RUNX1: variants seen among roughly 807,000 people sequenced by gnomAD.
RUNX1 encodes RUNX family transcription factor 1.
Under a neutral mutation model 42.8 loss-of-function variants are expected in RUNX1, and 19 were observed. The observed-to-expected ratio is 0.44, with a 90% CI of 0.31 to 0.65. The LOEUF is 0.65. Among genes scored for constraint, RUNX1 ranks in the 30% least tolerant of loss-of-function variants. RUNX1 has a pLI of 0.07. For missense variants in RUNX1, 528 were observed against 672.0 expected (o/e 0.79, Z 2.37); for synonymous variants, 271 against 289.4 (o/e 0.94, Z 0.64).
Position 34,992,664 on chromosome 21 carries a change from A to G in RUNX1, c.58+56178T>C, listed in dbSNP as rs554749684. On this transcript the variant is annotated intron_variant, in intron 2 of 8. Transcript: ENST00000675419. ...TGACGTTTCTTTCACAAGATTAAAC[A>G]TTACAAATATAAAAAAAAAAAAAAG... Among the ~76,000 whole-genome samples, 382 of 142,274 alleles carry G rather than the reference A, an allele frequency of 2.7e-3. 4 individuals are homozygous for G. Among genetic ancestry groups the G allele is most frequent in the African/African-American group, 1.0e-2 (368 of 36,826 alleles). 93.3% of individuals were successfully genotyped at this position (142,274 alleles called of 152,430 possible). A position where few individuals can be genotyped will look rare whatever the true frequency, so the allele number is the denominator to read the frequency against.
intron 2 of RUNX1, among the ~76,000 whole-genome samples, chr21:34,986,466 T>A (rs28391463): frequency 1.3e-5 from 2 of 150,350 alleles, no homozygotes; most frequent in Non-Finnish European, 3.0e-5. Context: ...TGGTTCCCTA[T>A]GTGTCTCCCA....
At chr21:34,877,134 C>T (rs2300398) in intron 5 of RUNX1, among the ~76,000 whole-genome samples, 27,074 of 152,116 alleles carry the variant, frequency 0.18, 2,585 homozygotes, top group Non-Finnish European at 0.2. Context: ...GCTGGGATTA[C>T]AGGTGTGAGC....
At chr21:34,891,338 G>A (rs925243324) in intron 3 of RUNX1, among the ~76,000 whole-genome samples, 1 of 152,190 alleles carries the variant, frequency 6.6e-6, no homozygotes, top group African/African-American at 2.4e-5. Flanking sequence ...CGATGGGATC[G>A]CGGGACATTT....
chr21:34,875,282 G>A (rs187895140), intron 5 of RUNX1, among the ~76,000 whole-genome samples: 2 of 152,326 alleles, frequency 1.3e-5, no homozygotes, highest in Non-Finnish European at 2.9e-5. Flanking sequence ...TGGCAAATGT[G>A]AAACCGAAAT....
At chr21:34,809,492 T>G (rs2056728724) in intron 7 of RUNX1, among the ~76,000 whole-genome samples, 1 of 151,970 alleles carries the variant, frequency 6.6e-6, no homozygotes, top group Non-Finnish European at 1.5e-5. Flanking sequence ...CTCCCAGGAC[T>G]GCACACAGCT....
chr21:34,949,236 C>G (rs2146661553), intron 2 of RUNX1, among the ~76,000 whole-genome samples: 1 of 152,364 alleles, frequency 6.6e-6, no homozygotes, highest in East Asian at 1.9e-4. Context: ...GTCCTTTTCA[C>G]TAAACAACCA....
intron 2 of RUNX1, among the ~76,000 whole-genome samples, chr21:35,008,932 GA>G (rs1297820011): frequency 6.6e-6 from 1 of 152,168 alleles, no homozygotes; most frequent in Non-Finnish European, 1.5e-5. Context: ...GAAAAGAAAA[GA>G]AAAACAGCAA....
intron 2 of RUNX1, among the ~76,000 whole-genome samples, chr21:34,953,634 A>G (rs773828608): frequency 1.3e-5 from 2 of 152,208 alleles, no homozygotes; most frequent in African/African-American, 2.4e-5. Context: ...ATAAACTTTT[A>G]TTTTGTTTAA....
chr21:34,984,862 T>C (rs1045261837), intron 2 of RUNX1, among the ~76,000 whole-genome samples: 2 of 152,190 alleles, frequency 1.3e-5, no homozygotes, highest in Non-Finnish European at 2.9e-5. Flanking sequence ...AGTGATCAGG[T>C]ACTTTCCATA....
intron 2 of RUNX1, among the ~76,000 whole-genome samples, chr21:34,998,788 G>A (rs921039505): frequency 3.0e-4 from 45 of 152,214 alleles, no homozygotes; most frequent in Admixed American, 1.7e-3. Flanking sequence ...TGATCCGCCC[G>A]CCTTGCCCTC....
At chr21:34,902,724 T>C (rs561087844) in intron 2 of RUNX1, among the ~76,000 whole-genome samples, 1 of 152,330 alleles carries the variant, frequency 6.6e-6, no homozygotes, top group East Asian at 1.9e-4. Context: ...AGTTTGTTAC[T>C]AGCCATGTGA....
intron 2 of RUNX1, among the ~76,000 whole-genome samples, chr21:34,921,269 C>T (rs1412957113): frequency 1.3e-5 from 2 of 152,172 alleles, no homozygotes; most frequent in Admixed American, 6.6e-5. Flanking sequence ...ACTCTTTACA[C>T]ATTGAACCAG....
rs189196863 is a variant in RUNX1, at chr21:34,826,889, G to A, written c.805+7521C>T. Among the ~76,000 whole-genome samples the A allele has an allele frequency of 1.8e-4, 27 of 152,326 alleles. 1 individual carries two copies. The South Asian group carries it at 4.3e-3, about 25-fold the overall frequency. ...TAAGTGGCTTTGGAACTGTATAACC[G>A]TGAAGGCTGAACAAGTTTGGAGGAG... is the stretch of plus-strand genomic sequence containing the variant. On this transcript the variant is annotated intron_variant, in intron 7 of 8. Transcript: ENST00000675419.
chr21:34,965,975 C>A (rs1420514909), intron 2 of RUNX1, among the ~76,000 whole-genome samples: 1 of 152,198 alleles, frequency 6.6e-6, no homozygotes, highest in Non-Finnish European at 1.5e-5. Flanking sequence ...TATGTGCCAG[C>A]CACATCCCAG....
At position 34,849,946 on chromosome 21, in the gene RUNX1, G is replaced by A. The variant is rs148586870; in HGVS notation, c.613+9528C>T. 2.8e-3 allele frequency among the ~76,000 whole-genome samples: 421 copies of A among 151,266 alleles called. 3 individuals are homozygous for A. The highest frequency in any genetic ancestry group is 4.1e-3 in the African/African-American group (167 of 41,182). The stretch of plus-strand genomic sequence containing the variant: ...TTATTATTATTACTATTATTATTTT[G>A]GTGGTAGTAGTGGAGTTCCATGAGA... On this transcript the variant is annotated intron_variant, in intron 6 of 8. Transcript: ENST00000675419.
At chr21:34,831,793 C>G (rs371082289) in intron 7 of RUNX1, among the ~76,000 whole-genome samples, 1 of 152,108 alleles carries the variant, frequency 6.6e-6, no homozygotes, top group East Asian at 1.9e-4. Context: ...AACTGAAGGT[C>G]TTGGCTGAAC....
intron 6 of RUNX1, among the ~76,000 whole-genome samples, chr21:34,848,581 C>T (rs1232350586): frequency 6.6e-6 from 1 of 152,144 alleles, no homozygotes; most frequent in Admixed American, 6.5e-5. Context: ...ATTATAGGCG[C>T]CTGCCACCAT....
intron 2 of RUNX1, among the ~76,000 whole-genome samples, chr21:34,933,396 T>A (rs920761647): frequency 6.6e-6 from 1 of 152,234 alleles, no homozygotes; most frequent in Non-Finnish European, 1.5e-5. Flanking sequence ...TGTTTACACT[T>A]ATTTTCCATT....
At chr21:34,991,805 C>T (rs9636887) in intron 2 of RUNX1, among the ~76,000 whole-genome samples, 128,368 of 152,160 alleles carry the variant, frequency 0.84, 54,603 homozygotes, top group African/African-American at 0.96. Context: ...CTGGTTAAGA[C>T]GAGGTCATCC....
Sources: allele counts gnomAD v4.1 joint callset (sites outside exome capture counted in the v4.1 genomes callset), GRCh38; gene constraint gnomAD v4.1.1; transcripts MANE v1.5; gene names NCBI Gene and HGNC (gene_info 2026-07-23, HGNC 2026-07-21).